Variants in ATXN7 observed in about 807,000 individuals in gnomAD.
The protein encoded by ATXN7 is ataxin 7, also known as ataxin-7.
Under a neutral mutation model 70.5 loss-of-function variants are expected in ATXN7, and 12 were observed. The ratio of observed to expected loss-of-function variants is 0.17; its 90% CI spans 0.11 to 0.28. The LOEUF is 0.28. Among genes scored for constraint, ATXN7 ranks in the 10% least tolerant of loss-of-function variants. ATXN7 has a pLI of 1.00. For synonymous variants in ATXN7, 498 were observed against 448.7 expected (o/e 1.11, Z -1.39); for missense variants, 1,256 against 1,131.7 (o/e 1.11, Z -1.58).
At chr3:63,926,956 G>A (rs932101296) in intron 4 of ATXN7, among the ~76,000 whole-genome samples, 9 of 152,068 alleles carry the variant, frequency 5.9e-5, no homozygotes, top group African/African-American at 2.2e-4. Context: ...AAGACTGATG[G>A]CTTCCACCTT....
chr3:63,918,644 A>G (rs1460311037), intron 4 of ATXN7, among the ~76,000 whole-genome samples: 1 of 152,136 alleles, frequency 6.6e-6, no homozygotes, highest in African/African-American at 2.4e-5. Context: ...ATTTCCTGCA[A>G]AATGGAGGCT....
intron 1 of ATXN7, among the ~76,000 whole-genome samples, chr3:63,875,723 C>G (rs945054368): frequency 6.6e-6 from 1 of 152,160 alleles, no homozygotes; most frequent in African/African-American, 2.4e-5. Context: ...TGGCTGTTTT[C>G]TGCTGACAGG....
intron 1 of ATXN7, among the ~76,000 whole-genome samples, chr3:63,884,665 G>A (rs1453878010): frequency 6.6e-6 from 1 of 151,372 alleles, no homozygotes; most frequent in Non-Finnish European, 1.5e-5. Context: ...ATTTTTTTGG[G>A]GGGGATCAGG....
intron 4 of ATXN7, among the ~76,000 whole-genome samples, chr3:63,928,672 C>T (rs1452136535): frequency 6.6e-6 from 1 of 152,170 alleles, no homozygotes; most frequent in East Asian, 1.9e-4. Context: ...TCCCAAATCT[C>T]ACTGCTTATG....
intron 8 of ATXN7, among the ~76,000 whole-genome samples, chr3:63,985,318 T>C (rs2075558052): frequency 6.6e-6 from 1 of 152,156 alleles, no homozygotes; most frequent in Non-Finnish European, 1.5e-5. Flanking sequence ...TCTTTAAGGG[T>C]GTCATTACTC....
chr3:63,938,830 TTAAA>T (rs1002288239), intron 4 of ATXN7, among the ~76,000 whole-genome samples: 8 of 152,328 alleles, frequency 5.3e-5, no homozygotes, highest in African/African-American at 1.9e-4. Flanking sequence ...TAACTTCTCT[TTAAA>T]TAAAGCTACC....
intron 6 of ATXN7, among the ~76,000 whole-genome samples, chr3:63,981,003 A>G (rs1402650566): frequency 2.0e-5 from 3 of 152,200 alleles, no homozygotes; most frequent in African/African-American, 7.2e-5. Context: ...CAATAGGAAC[A>G]TGCTTCGCCT....
chr3:63,950,363 A>G (rs1375365024), intron 4 of ATXN7, among the ~76,000 whole-genome samples: 1 of 152,184 alleles, frequency 6.6e-6, no homozygotes, highest in Admixed American at 6.5e-5. Context: ...TTACATTCAG[A>G]ACTGAGGGAA....
At position 64,000,920 on chromosome 3, in the gene ATXN7, C is replaced by G. The variant is rs1159651033; in HGVS notation, c.*1453C>G. 3 of 151,552 alleles carry G rather than the reference C, an allele frequency of 2.0e-5. No homozygotes were observed. Among genetic ancestry groups the G allele is most frequent in the Non-Finnish European group, 4.4e-5 (3 of 68,012 alleles). 9.4% of individuals were successfully genotyped at this position (151,552 alleles called of 1,614,324 possible). A position where few individuals can be genotyped will look rare whatever the true frequency, so the allele number is the denominator to read the frequency against. ...ATGGGTGCTTCCACCACTACAGGCTCCTGACACGAGTAACAGGCACTGTTG... is the reference window on the plus strand; with the variant it reads ...ATGGGTGCTTCCACCACTACAGGCTGCTGACACGAGTAACAGGCACTGTTG... On this transcript the variant is annotated 3_prime_UTR_variant, in exon 13 of 13. Coordinates refer to ENST00000674280, the MANE Select transcript of ATXN7 (RefSeq NM_001377405.1).
intron 5 of ATXN7, among the ~76,000 whole-genome samples, chr3:63,959,334 T>C (rs1213614623): frequency 6.6e-6 from 1 of 152,158 alleles, no homozygotes; most frequent in Non-Finnish European, 1.5e-5. Flanking sequence ...ACCAGGTCTT[T>C]CTCCAGCAGT....
At chr3:63,952,817 C>T (rs527789589) in intron 5 of ATXN7, among the ~76,000 whole-genome samples, 1 of 111,320 alleles carries the variant, frequency 9.0e-6, no homozygotes, top group South Asian at 3.1e-4. Context: ...TATACACTCA[C>T]AATATGGATG....
At chr3:63,876,839 C>G (rs1221864404) in intron 1 of ATXN7, among the ~76,000 whole-genome samples, 4 of 152,158 alleles carry the variant, frequency 2.6e-5, no homozygotes, top group Non-Finnish European at 5.9e-5. Flanking sequence ...TTTTATCTGT[C>G]TCTTAGCCAT....
At position 63,996,067 on chromosome 3, in the gene ATXN7, A is replaced by G. The variant is rs763879179; in HGVS notation, c.2245A>G (p.Thr749Ala). ...TCACTCTGGGCCTCCCTACCCCTCAACGGTAACATCTTCCCATAGCATCGG... is the reference window on the plus strand; with the variant it reads ...TCACTCTGGGCCTCCCTACCCCTCAGCGGTAACATCTTCCCATAGCATCGG... The part of the protein sequence containing the change: ...VAHSGPPYPS[T>A]VTSSHSIGLN... The change falls in exon 12 of 13, where the codon ACG (threonine) becomes GCG (alanine). Residue 749 changes from threonine (T) to alanine (A), a missense_variant. Coordinates refer to ENST00000674280, the MANE Select transcript of ATXN7 (RefSeq NM_001377405.1). The G allele has an allele frequency of 2.5e-6, 4 of 1,613,884 alleles. No individual in the cohort carries two copies. The highest frequency in any genetic ancestry group is 1.7e-5 in the Admixed American group (1 of 59,986).
At chr3:63,884,999 C>T (rs1443434189) in intron 1 of ATXN7, among the ~76,000 whole-genome samples, 1 of 152,062 alleles carries the variant, frequency 6.6e-6, no homozygotes, top group Non-Finnish European at 1.5e-5. Flanking sequence ...CTAGTGACTT[C>T]CTTCCAAAGA....
chr3:63,961,946 G>T (rs1379739515), intron 5 of ATXN7, among the ~76,000 whole-genome samples: 1 of 152,092 alleles, frequency 6.6e-6, no homozygotes, highest in Non-Finnish European at 1.5e-5. Context: ...TTTGTACGAT[G>T]ACTAAGATAA....
chr3:63,946,994 A>G (rs1369989465), intron 4 of ATXN7, among the ~76,000 whole-genome samples: 1 of 152,160 alleles, frequency 6.6e-6, no homozygotes, highest in African/African-American at 2.4e-5. Flanking sequence ...GCACTGGCAT[A>G]GAGGAGGTGA....
intron 2 of ATXN7, among the ~76,000 whole-genome samples, chr3:63,902,613 G>A (rs1222339418): frequency 2.0e-5 from 3 of 152,112 alleles, no homozygotes; most frequent in Non-Finnish European, 4.4e-5. Context: ...GCTAGATATT[G>A]AAAGATATTG....
At chr3:63,956,775 C>T (rs984528831) in intron 5 of ATXN7, among the ~76,000 whole-genome samples, 2 of 152,164 alleles carry the variant, frequency 1.3e-5, no homozygotes, top group Admixed American at 6.5e-5. Flanking sequence ...CTCAGAGATT[C>T]GTTGAGCCAA....
At chr3:63,885,342 T>G (rs995885288) in intron 1 of ATXN7, among the ~76,000 whole-genome samples, 1 of 152,160 alleles carries the variant, frequency 6.6e-6, no homozygotes, top group Non-Finnish European at 1.5e-5. Context: ...TATGAAAAGA[T>G]GCTCAATATC....
Sources: gnomAD v4.1 joint callset for allele counts (sites outside exome capture counted in the v4.1 genomes callset) on GRCh38, gnomAD v4.1.1 for gene constraint, MANE v1.5 for transcripts, NCBI Gene and HGNC (gene_info 2026-07-23, HGNC 2026-07-21) for gene names.